The following RALGAPA2 variants were observed in gnomAD, a reference collection of about 807,000 sequenced individuals.
RALGAPA2 encodes the protein Ral GTPase activating protein catalytic subunit alpha 2.
In RALGAPA2, 139 loss-of-function variants were observed where a neutral mutation model predicts 230.4. The ratio of observed to expected loss-of-function variants is 0.60; its 90% CI spans 0.53 to 0.69. The LOEUF (loss-of-function observed/expected upper bound fraction) is 0.69. Among genes scored for constraint, RALGAPA2 ranks in the 30% least tolerant of loss-of-function variants. RALGAPA2 has a pLI of 0.00. For synonymous variants in RALGAPA2, 847 were observed against 837.8 expected (o/e 1.01, Z -0.19); for missense variants, 2,163 against 2,276.0 (o/e 0.95, Z 1.01).
At chr20:20,456,898 C>G (rs2123220453) in intron 37 of RALGAPA2, among the ~76,000 whole-genome samples, 1 of 152,216 alleles carries the variant, frequency 6.6e-6, no homozygotes, top group African/African-American at 2.4e-5. Context: ...TATTGCACTA[C>G]AGCCTAAACT....
At chr20:20,710,005 T>A (rs1171653919) in intron 1 of RALGAPA2, among the ~76,000 whole-genome samples, 1 of 152,160 alleles carries the variant, frequency 6.6e-6, no homozygotes, top group Non-Finnish European at 1.5e-5. Flanking sequence ...ATACTCACAA[T>A]AATCCTTTAA....
intron 13 of RALGAPA2, among the ~76,000 whole-genome samples, chr20:20,613,881 A>C (rs1034645466): frequency 6.6e-6 from 1 of 152,060 alleles, no homozygotes; most frequent in African/African-American, 2.4e-5. Flanking sequence ...CACCCAATTC[A>C]GGACTCTTTC....
At chr20:20,572,803 AAC>A (rs2064688437) in intron 21 of RALGAPA2, 70 bp downstream of exon 21, 2 of 1,286,572 alleles carry the variant, frequency 1.6e-6, no homozygotes, top group South Asian at 1.8e-5. Context: ...AGTTAACTGA[AAC>A]ACAGTTTTTA....
intron 14 of RALGAPA2, among the ~76,000 whole-genome samples, chr20:20,608,306 C>T (rs996604181): frequency 6.6e-6 from 1 of 152,138 alleles, no homozygotes; most frequent in Non-Finnish European, 1.5e-5. Flanking sequence ...TTACAAAGAG[C>T]AGGACCACAG....
chr20:20,549,441 A>G (rs2063862931), intron 23 of RALGAPA2, among the ~76,000 whole-genome samples: 1 of 152,120 alleles, frequency 6.6e-6, no homozygotes, highest in South Asian at 2.1e-4. Flanking sequence ...ACAGATGGCT[A>G]GCCTACCCTA....
At position 20,712,394 on chromosome 20, in the gene RALGAPA2, C is replaced by T; in HGVS notation, c.87G>A (p.Lys29=). Residue 29 remains lysine, a synonymous_variant, in exon 1 of 40, where the codon AAG becomes AAA. Transcript: ENST00000202677. The surrounding 1 kb of genome is among the most constrained non-coding windows in gnomAD (Gnocchi z 5.5). ...CCTCACCCAGCAGCGCCCGCAGGTG[C>T]TTCAGGCGGGTCAGCACGTCCTTCT... The part of the protein sequence containing the change: ...DPKKDVLTRL[K]HLRALLDNVD... 6.5e-7 allele frequency: 1 copy of T among 1,550,374 alleles called. No homozygotes were observed. The highest frequency in any genetic ancestry group is 8.7e-7 in the Non-Finnish European group (1 of 1,146,500).
chr20:20,623,567 C>CA (rs1333549784), intron 10 of RALGAPA2, among the ~76,000 whole-genome samples: 3 of 151,118 alleles, frequency 2.0e-5, no homozygotes, highest in South Asian at 2.1e-4. Context: ...GAACACTAAG[C>CA]AAAAAAATAA....
chr20:20,647,405 T>C (rs1442256135), intron 4 of RALGAPA2, among the ~76,000 whole-genome samples: 1 of 151,304 alleles, frequency 6.6e-6, no homozygotes, highest in Admixed American at 6.6e-5. Context: ...GAGAACTTCC[T>C]GGCACTACAA....
intron 23 of RALGAPA2, among the ~76,000 whole-genome samples, chr20:20,558,294 C>G (rs940753272): frequency 1.3e-5 from 2 of 152,164 alleles, no homozygotes; most frequent in African/African-American, 2.4e-5. Context: ...GGAAAAGGCA[C>G]CGCGCCCAGC....
intron 18 of RALGAPA2, among the ~76,000 whole-genome samples, chr20:20,587,744 T>C (rs909288460): frequency 6.6e-6 from 1 of 151,840 alleles, no homozygotes; most frequent in Non-Finnish European, 1.5e-5. Context: ...GCTACAAACA[T>C]AACCAAAATA....
chr20:20,519,404 T>C (rs1436406201), intron 31 of RALGAPA2, among the ~76,000 whole-genome samples: 1 of 152,182 alleles, frequency 6.6e-6, no homozygotes, highest in Non-Finnish European at 1.5e-5. Context: ...TGGACCTTTG[T>C]CCTCCCTCAC....
chr20:20,657,536 G>A (rs369579596), intron 3 of RALGAPA2, among the ~76,000 whole-genome samples: 3 of 152,100 alleles, frequency 2.0e-5, no homozygotes, highest in African/African-American at 7.2e-5. Context: ...TCTAAGAGAC[G>A]GGCCCCCTAC....
intron 20 of RALGAPA2, among the ~76,000 whole-genome samples, chr20:20,575,156 C>T (rs941792411): frequency 2.0e-5 from 3 of 152,038 alleles, no homozygotes; most frequent in Admixed American, 1.3e-4. Flanking sequence ...TCTATCTATA[C>T]TCATGCCCCT....
At position 20,434,269 on chromosome 20, in the gene RALGAPA2, C is replaced by G. The variant is rs542549279; in HGVS notation, c.5496-22121G>C. 2.0e-5 allele frequency among the ~76,000 whole-genome samples: 3 copies of G among 152,268 alleles called. No homozygotes were observed. The East Asian group carries it at 5.8e-4, about 29-fold the overall frequency. On this transcript the variant is annotated intron_variant, in intron 37 of 39. Transcript: ENST00000202677. Reference sequence around the variant, plus strand: ...TCTCATGGGAACTCATGGGAAATGCCAGTAGTTCCTCTGTGGGGGTCCCGG... The same window carrying G: ...TCTCATGGGAACTCATGGGAAATGCGAGTAGTTCCTCTGTGGGGGTCCCGG...
intron 37 of RALGAPA2, among the ~76,000 whole-genome samples, chr20:20,444,774 C>T (rs1349490510): frequency 1.3e-5 from 2 of 152,186 alleles, no homozygotes; most frequent in Admixed American, 1.3e-4. Flanking sequence ...GTAGCCAGTC[C>T]CCCCTTCTCC....
chr20:20,464,069 G>A (rs1351655256), intron 37 of RALGAPA2, among the ~76,000 whole-genome samples: 4 of 152,170 alleles, frequency 2.6e-5, no homozygotes, highest in Non-Finnish European at 4.4e-5. Flanking sequence ...GCTGGAGGAC[G>A]AAGCGCCAGG....
chr20:20,454,557 A>G (rs1315176149), intron 37 of RALGAPA2, among the ~76,000 whole-genome samples: 2 of 152,260 alleles, frequency 1.3e-5, no homozygotes, highest in African/African-American at 2.4e-5. Context: ...ATAACTAGAT[A>G]TGGGAATGGA....
At chr20:20,668,843 T>C (rs1373053267) in intron 3 of RALGAPA2, among the ~76,000 whole-genome samples, 2 of 152,118 alleles carry the variant, frequency 1.3e-5, no homozygotes, top group Non-Finnish European at 2.9e-5. Context: ...AAAGGGGCAG[T>C]GTTAGCCCGA....
In RALGAPA2 at chr20:20,609,756, G is replaced by C. The variant is rs575032304; in HGVS notation, c.1800+1559C>G. Among the ~76,000 whole-genome samples, 4 of 152,304 alleles carry C rather than the reference G, an allele frequency of 2.6e-5. No homozygotes were observed. In the East Asian group the frequency reaches 7.7e-4, roughly 29 times the overall value. ...AAGGGTGCCAACAGTGAGACGCTTCGCTGAGAAAGCAAAGTGTGCAGTGTC... is the reference window on the plus strand; with the variant it reads ...AAGGGTGCCAACAGTGAGACGCTTCCCTGAGAAAGCAAAGTGTGCAGTGTC... On this transcript the variant is annotated intron_variant, in intron 14 of 39. Coordinates refer to ENST00000202677, the MANE Select transcript of RALGAPA2 (RefSeq NM_020343.4).
Sources: gnomAD v4.1 joint callset for allele counts (sites outside exome capture counted in the v4.1 genomes callset) on GRCh38, gnomAD v4.1.1 for gene constraint, Gnocchi (gnomAD v3.1) non-coding constraint, MANE v1.5 for transcripts, NCBI Gene and HGNC (gene_info 2026-07-23, HGNC 2026-07-21) for gene names.